The following SEC23IP variants were observed in gnomAD, a reference collection of about 807,000 sequenced individuals.
SEC23IP encodes SEC23 interacting protein.
SEC23IP carries 70 observed loss-of-function variants against 113.4 expected under a neutral mutation model. The observed-to-expected ratio is 0.62, with a 90% CI of 0.51 to 0.75. The LOEUF is 0.75. SEC23IP is among the 30% of genes least tolerant of loss of function. The pLI is 0.00. For synonymous variants in SEC23IP, 398 were observed against 421.0 expected (o/e 0.95, Z 0.67); for missense variants, 1,160 against 1,204.9 (o/e 0.96, Z 0.55).
intron 12 of SEC23IP, among the ~76,000 whole-genome samples, chr10:119,922,883 C>T (rs1353313135): frequency 1.3e-5 from 2 of 151,822 alleles, no homozygotes; most frequent in African/African-American, 4.8e-5. Context: ...CTCTGATGAG[C>T]ACAATAGTCA....
chr10:119,915,691 T>C, intron 7 of SEC23IP, 57 bp from the exon 8 acceptor site: 3 of 1,288,478 alleles, frequency 2.3e-6, no homozygotes, highest in Non-Finnish European at 3.1e-6. Context: ...AACTGCTGAC[T>C]AGCTATCAAG....
chr10:119,914,716 AT>A lies in SEC23IP; in HGVS notation c.1313-6del, dbSNP rs34824340. 14 of 1,608,152 alleles carry A rather than the reference AT, an allele frequency of 8.7e-6. No homozygotes were observed. Among genetic ancestry groups the A allele is most frequent in the Non-Finnish European group, 1.0e-5 (12 of 1,175,522 alleles). On this transcript the variant is annotated splice_polypyrimidine_tract_variant and intron_variant, in intron 6 of 18. Coordinates refer to ENST00000369075, the MANE Select transcript of SEC23IP (RefSeq NM_007190.4). ...TCCCATCTTTTATGTAGGTTTAAAA[AT>A]TTTTTTTGATAGGGGAGATGCCTCA...
Position 119,912,050 on chromosome 10 carries a change from G to C in SEC23IP, c.1198G>C (p.Val400Leu). Residue 400 changes from valine to leucine, a missense_variant, in exon 6 of 19, where the codon GTT becomes CTT. Transcript: ENST00000369075. ...TIVMHNPKVI[V>L]QFQPSSVPDE... The stretch of plus-strand genomic sequence containing the variant: ...ATTCTGTTGCATCTTGAAGGTTATT[G>C]TTCAGTTCCAGCCCTCCTCAGTGCC... 6.2e-7 allele frequency: 1 copy of C among 1,613,990 alleles called. No individual in the cohort carries two copies. Among genetic ancestry groups the C allele is most frequent in the Non-Finnish European group, 8.5e-7 (1 of 1,179,962 alleles).
At chr10:119,916,591 G>T (rs1325948724) in intron 8 of SEC23IP, among the ~76,000 whole-genome samples, 1 of 152,124 alleles carries the variant, frequency 6.6e-6, no homozygotes, top group Non-Finnish European at 1.5e-5. Context: ...TTCTTTCTCT[G>T]TGTGTATTCC....
Position 119,932,136 on chromosome 10 carries a change from TGAAA to T in SEC23IP, c.2579_2582del (p.Lys860ArgfsTer10). On this transcript the variant is annotated frameshift_variant, in exon 16 of 19. Transcript: ENST00000369075. LOFTEE classifies it high-confidence loss of function. ...TGTGTCATCTTAATCTCTTTAGAAT[TGAAA>T]GAGAGTCTCTCTCGTATGGGATCTG... 3.8e-6 allele frequency: 6 copies of T among 1,599,028 alleles called. No individual in the cohort carries two copies. The highest frequency in any genetic ancestry group is 1.7e-5 in the Admixed American group (1 of 59,644).
At chr10:119,924,713 G>A (rs746065092) in intron 12 of SEC23IP, among the ~76,000 whole-genome samples, 26 of 151,982 alleles carry the variant, frequency 1.7e-4, no homozygotes, top group Admixed American at 5.9e-4. Context: ...GGGCCCAGCT[G>A]AGATAACACC....
chr10:119,908,853 G>T (rs1408685259), intron 4 of SEC23IP, among the ~76,000 whole-genome samples, 188 bp from the exon 5 acceptor site: 1 of 152,096 alleles, frequency 6.6e-6, no homozygotes, highest in Non-Finnish European at 1.5e-5. Context: ...CTGTTACTTA[G>T]GCGTGATTGA....
At position 119,929,748 on chromosome 10, in the gene SEC23IP, A is replaced by C; in HGVS notation, c.2455A>C (p.Asn819His). 6.3e-7 allele frequency: 1 copy of C among 1,587,996 alleles called. No individual in the cohort carries two copies. Among genetic ancestry groups the C allele is most frequent in the Non-Finnish European group, 8.6e-7 (1 of 1,161,070 alleles). The change falls in exon 14 of 19, where the codon AAT becomes CAT. Residue 819 changes from asparagine (N) to histidine (H), a missense_variant. Coordinates refer to ENST00000369075, the MANE Select transcript of SEC23IP (RefSeq NM_007190.4). ...YSLPTCKGFF[N>H]IYHPLDPVAY... ...CCTTCCTACCTGTAAAGGGTTCTTC[A>C]ATATTTATCATCCGGTGAGTAATTG...
intron 12 of SEC23IP, among the ~76,000 whole-genome samples, chr10:119,923,214 A>G (rs1855306545): frequency 6.6e-6 from 1 of 152,156 alleles, no homozygotes; most frequent in South Asian, 2.1e-4. Context: ...GCAAAAATCT[A>G]TAGAGTGATC....
chr10:119,908,606 G>A lies in SEC23IP; in HGVS notation c.1102-435G>A, dbSNP rs569999209. Among the ~76,000 whole-genome samples the A allele has an allele frequency of 1.4e-4, 21 of 152,304 alleles. No individual in the cohort carries two copies. In the South Asian group the frequency reaches 1.7e-3, roughly 12 times the overall value. ...GGAGTTACACTGCAAGCCAAGGAAA[G>A]CCAGAGATTGCCAGCCACCACCAGA... is the stretch of plus-strand genomic sequence containing the variant. On this transcript the variant is annotated intron_variant, in intron 4 of 18. Transcript: ENST00000369075.
At chr10:119,895,867 G>T (rs1385852306) in intron 1 of SEC23IP, among the ~76,000 whole-genome samples, 1 of 152,182 alleles carries the variant, frequency 6.6e-6, no homozygotes, top group Non-Finnish European at 1.5e-5. Flanking sequence ...ACTAGAGTGT[G>T]TGCAGTGGAG....
chr10:119,937,036 C>T (rs1046730808), intron 18 of SEC23IP, among the ~76,000 whole-genome samples: 3 of 151,634 alleles, frequency 2.0e-5, no homozygotes, highest in Admixed American at 6.6e-5. Flanking sequence ...TACAGGCGCC[C>T]GCTGCTGTGC....
chr10:119,911,921 A>G (rs1016663642), intron 5 of SEC23IP, 123 bp from the exon 6 acceptor site: 3 of 1,169,856 alleles, frequency 2.6e-6, no homozygotes, highest in African/African-American at 3.1e-5. Context: ...TTGGGGGAAC[A>G]GTACTAATAA....
At chr10:119,895,865 G>C (rs1324365297) in intron 1 of SEC23IP, among the ~76,000 whole-genome samples, 1 of 152,190 alleles carries the variant, frequency 6.6e-6, no homozygotes, top group African/African-American at 2.4e-5. Context: ...TGACTAGAGT[G>C]TGTGCAGTGG....
intron 14 of SEC23IP, 41 bp from the exon 15 acceptor site, chr10:119,930,288 A>G: frequency 2.4e-6 from 3 of 1,270,126 alleles, no homozygotes; most frequent in Non-Finnish European, 3.3e-6. Flanking sequence ...AACAGCTTTC[A>G]TAAATTTCTT....
intron 15 of SEC23IP, among the ~76,000 whole-genome samples, chr10:119,930,912 C>T (rs192435284): frequency 5.9e-5 from 9 of 152,136 alleles, no homozygotes; most frequent in Non-Finnish European, 1.2e-4. Context: ...TGTGTATTAA[C>T]GCTACATTTA....
At position 119,902,873 on chromosome 10, in the gene SEC23IP, A is replaced by G. The variant is rs910102660; in HGVS notation, c.771A>G (p.Pro257=). 1.2e-5 allele frequency: 20 copies of G among 1,614,170 alleles called. No homozygotes were observed. The highest frequency in any genetic ancestry group is 1.5e-5 in the Non-Finnish European group (18 of 1,180,018). Residue 257 remains proline, a synonymous_variant, in exon 3 of 19, where the codon CCA becomes CCG. Transcript: ENST00000369075. ...ARPGAPSVQV[P]SPFLLQNQYE... Reference sequence around the variant, plus strand: ...CTGGGGCTCCCTCTGTTCAAGTGCCATCTCCTTTTCTACTTCAAAACCAAT... The same window carrying G: ...CTGGGGCTCCCTCTGTTCAAGTGCCGTCTCCTTTTCTACTTCAAAACCAAT...
chr10:119,924,832 C>G (rs1855369096), intron 12 of SEC23IP, among the ~76,000 whole-genome samples: 1 of 152,090 alleles, frequency 6.6e-6, no homozygotes, highest in African/African-American at 2.4e-5. Context: ...GGCTGGAGTG[C>G]AGTGGCGCAC....
intron 12 of SEC23IP, among the ~76,000 whole-genome samples, chr10:119,923,841 G>A (rs975555989): frequency 8.5e-5 from 13 of 152,112 alleles, no homozygotes; most frequent in African/African-American, 2.9e-4. Context: ...GAGCCACCAC[G>A]CCCAGCCTAT....
Sources: allele counts gnomAD v4.1 joint callset (sites outside exome capture counted in the v4.1 genomes callset), GRCh38; gene constraint gnomAD v4.1.1; transcripts MANE v1.5; gene names NCBI Gene and HGNC (gene_info 2026-07-23, HGNC 2026-07-21).